TMEM63A: variants seen among roughly 807,000 people sequenced by gnomAD.
The protein encoded by TMEM63A is transmembrane protein 63A.
TMEM63A carries 76 observed loss-of-function variants against 100.6 expected under a neutral mutation model. The observed-to-expected ratio is 0.76, with a 90% CI of 0.63 to 0.91. TMEM63A has a LOEUF of 0.91. TMEM63A is among the 40% of genes least tolerant of loss of function. The pLI, the probability that TMEM63A is intolerant of heterozygous loss-of-function variation, is 0.00. For synonymous variants in TMEM63A, 401 were observed against 401.1 expected, an observed-to-expected ratio of 1.00 and a Z score of 0.00; for missense variants, 876 against 1,008.8, an observed-to-expected ratio of 0.87 and a Z score of 1.78.
intron 2 of TMEM63A, among the ~76,000 whole-genome samples, chr1:225,877,969 G>A (rs1310066804): frequency 6.6e-6 from 1 of 152,118 alleles, no homozygotes; most frequent in East Asian, 1.9e-4. Context: ...CACTCCTGCA[G>A]AAGCCACTGG....
chr1:225,844,697 A>G, downstream of TMEM63A: 1 of 1,596,352 alleles, frequency 6.3e-7, no homozygotes, highest in Non-Finnish European at 8.5e-7. Context: ...GGGCTCCACG[A>G]AGGGCACTTG....
rs963795195 is a variant in TMEM63A, at chr1:225,846,712, C to T, written c.*227G>A. The T allele has an allele frequency of 4.8e-5, 13 of 271,028 alleles. No individual in the cohort carries two copies. The highest frequency in any genetic ancestry group is 2.8e-4 in the African/African-American group (13 of 45,856). The allele number at this position is 271,028 out of a possible 1,614,324, so 16.8% of individuals were successfully genotyped here. A position where few individuals can be genotyped will look rare whatever the true frequency, so the allele number is the denominator to read the frequency against. ...CCACCACATGGTCTTGGCGACAAACCACTGGGGATGTCACCCCAGCTGCAG... is the reference window on the plus strand; with the variant it reads ...CCACCACATGGTCTTGGCGACAAACTACTGGGGATGTCACCCCAGCTGCAG... On this transcript the variant is annotated 3_prime_UTR_variant, in exon 25 of 25. Transcript: ENST00000366835.
downstream of TMEM63A, among the ~76,000 whole-genome samples, chr1:225,841,549 G>A (rs1422396261): frequency 6.7e-6 from 1 of 150,038 alleles, no homozygotes; most frequent in African/African-American, 2.5e-5. Flanking sequence ...CTCCCAAAGT[G>A]CTGGGATTAC....
chr1:225,872,152 G>A (rs1576110028), intron 4 of TMEM63A, 99 bp from the exon 5 acceptor site: 1 of 855,744 alleles, frequency 1.2e-6, no homozygotes, highest in Non-Finnish European at 1.8e-6. Flanking sequence ...GCTGCCTCTT[G>A]GAGCTCAGAA....
At chr1:225,859,117 T>A in intron 15 of TMEM63A, 79 bp downstream of exon 15, 1 of 1,595,546 alleles carries the variant, frequency 6.3e-7, no homozygotes, top group Non-Finnish European at 8.6e-7. Flanking sequence ...ACCCCACTCC[T>A]GTCCCCACTC....
chr1:225,848,529 C>T lies in TMEM63A; in HGVS notation c.2213G>A (p.Gly738Glu). The change falls in exon 23 of 25, where the codon GGA (glycine) becomes GAA (glutamate). Residue 738 changes from glycine to glutamate, a missense_variant. This residue lies in a region of TMEM63A where 339 missense variants were observed against 342.3 expected (regional missense o/e 0.99). Coordinates refer to ENST00000366835, the MANE Select transcript of TMEM63A (RefSeq NM_014698.3). Reference protein sequence around the residue: ...YKTEEPASDKGSEAEAHMPPP... With the variant: ...YKTEEPASDKESEAEAHMPPP... ...GGGCATGTGGGCCTCTGCCTCACTT[C>T]CTTTGTCACTTGCAGGCTCTTCTGT... is the stretch of plus-strand genomic sequence containing the variant. The T allele has an allele frequency of 1.2e-6, 2 of 1,614,152 alleles. No individual in the cohort carries two copies. The highest frequency in any genetic ancestry group is 1.7e-6 in the Non-Finnish European group (2 of 1,180,046).
chr1:225,869,666 C>CTTTTCTTTTCTTTTT (rs76862516), intron 6 of TMEM63A, among the ~76,000 whole-genome samples: 10 of 109,906 alleles, frequency 9.1e-5, no homozygotes, highest in African/African-American at 3.2e-4. Flanking sequence ...CTTTTCTTTT[C>CTTTTCTTTTCTTTTT]TTTTTTTTTT....
At chr1:225,841,866 A>G (rs1339999334), downstream of TMEM63A, among the ~76,000 whole-genome samples, 2 of 152,110 alleles carry the variant, frequency 1.3e-5, no homozygotes, top group Non-Finnish European at 2.9e-5. Flanking sequence ...ACCCTCCCAA[A>G]GTGCTGGGAT....
rs533729776 is a variant in TMEM63A at position 225,862,285 on chromosome 1, G to A, written c.1018C>T (p.Arg340Cys). 35 of 1,614,206 alleles carry A rather than the reference G, an allele frequency of 2.2e-5. No homozygotes were observed. Among genetic ancestry groups the A allele is most frequent in the Middle Eastern group, 1.7e-4 (1 of 6,058 alleles). Reference sequence around the variant, plus strand: ...CCCAGGGGCTGGTCCTGGACGTGGCGTTCTTCCTCTGTGATCCTCTCCAGC... The same window carrying A: ...CCCAGGGGCTGGTCCTGGACGTGGCATTCTTCCTCTGTGATCCTCTCCAGC... ...RLLERITEEE[R>C]HVQDQPLGMA... The change falls in exon 13 of 25, where the codon CGC (arginine) becomes TGC (cysteine). Residue 340 changes from arginine (R) to cysteine (C), a missense_variant. This residue lies in a region of TMEM63A where 487 missense variants were observed against 581.9 expected (regional missense o/e 0.84). Transcript: ENST00000366835. The surrounding 1 kb of genome is among the most constrained non-coding windows in gnomAD (Gnocchi z 5.1).
intron 17 of TMEM63A, 45 bp from the exon 18 acceptor site, chr1:225,855,985 A>T: frequency 6.3e-7 from 1 of 1,588,154 alleles, no homozygotes; most frequent in Non-Finnish European, 8.6e-7. Context: ...CCAGCATTCC[A>T]TATTGTCACT....
chr1:225,854,243 C>T (rs1205075586), intron 18 of TMEM63A, among the ~76,000 whole-genome samples: 1 of 152,184 alleles, frequency 6.6e-6, no homozygotes, highest in Admixed American at 6.5e-5. Flanking sequence ...AGGATGTCCT[C>T]GTCTGCTGCA....
At chr1:225,854,984 G>A (rs1175916524) in intron 18 of TMEM63A, among the ~76,000 whole-genome samples, 2 of 152,238 alleles carry the variant, frequency 1.3e-5, no homozygotes, top group Admixed American at 6.5e-5. Flanking sequence ...GATGAGGATT[G>A]AGCTGGTCAC....
At chr1:225,866,520 C>G (rs766795725) in intron 9 of TMEM63A, 54 bp downstream of exon 9, 1 of 1,537,944 alleles carries the variant, frequency 6.5e-7, no homozygotes, top group East Asian at 2.3e-5. Context: ...CCTTCCACTC[C>G]GACTCCCACC....
chr1:225,859,147 C>T (rs746309375), intron 15 of TMEM63A, 49 bp downstream of exon 15: 8 of 1,612,996 alleles, frequency 5.0e-6, no homozygotes, highest in Non-Finnish European at 6.8e-6. Context: ...CCACCAAGCC[C>T]TCTTCTCACC....
intron 1 of TMEM63A, among the ~76,000 whole-genome samples, chr1:225,881,450 G>T (rs1479483232): frequency 6.6e-6 from 1 of 152,188 alleles, no homozygotes; most frequent in African/African-American, 2.4e-5. Flanking sequence ...GAAACACAAG[G>T]GCAGGATCCC....
At chr1:225,859,384 T>C (rs1264127541) in intron 14 of TMEM63A, 35 bp from the exon 15 acceptor site, 1 of 1,610,856 alleles carries the variant, frequency 6.2e-7, no homozygotes, top group Non-Finnish European at 8.5e-7. Flanking sequence ...TCTCGAGGCT[T>C]GTCTCCCAGT....
chr1:225,860,481 A>G (rs1669883558), intron 14 of TMEM63A: 2 of 164,100 alleles, frequency 1.2e-5, no homozygotes, highest in African/African-American at 4.8e-5. Flanking sequence ...AGAGAATGTA[A>G]AACATCTCAC....
intron 20 of TMEM63A, among the ~76,000 whole-genome samples, chr1:225,850,944 C>A (rs1669298538): frequency 6.6e-6 from 1 of 152,130 alleles, no homozygotes; most frequent in Admixed American, 6.5e-5. Flanking sequence ...ATCTCCTGAC[C>A]TCGTGATCCG....
chr1:225,849,108 T>C, intron 21 of TMEM63A, 96 bp from the exon 22 acceptor site: 7 of 905,110 alleles, frequency 7.7e-6, no homozygotes, highest in Non-Finnish European at 1.0e-5. Flanking sequence ...GTGTGGAAAC[T>C]GCCCGTGACT....
Sources: gnomAD v4.1 joint callset for allele counts (sites outside exome capture counted in the v4.1 genomes callset) on GRCh38, gnomAD v4.1.1 for gene constraint, gnomAD v4.1.1 regional missense constraint, Gnocchi (gnomAD v3.1) non-coding constraint, MANE v1.5 for transcripts, NCBI Gene and HGNC (gene_info 2026-07-23, HGNC 2026-07-21) for gene names.